C10orf67: variants seen among roughly 807,000 people sequenced by gnomAD.
C10orf67 encodes uncharacterized protein C10orf67, mitochondrial.
C10orf67 carries 60 observed loss-of-function variants against 35.6 expected under a neutral mutation model. The ratio of observed to expected loss-of-function variants is 1.68; its 90% CI spans 1.37 to 2.09. The LOEUF (loss-of-function observed/expected upper bound fraction) is 2.09. C10orf67 is among the 30% of genes most tolerant of loss of function. C10orf67 has a pLI of 0.00. For missense variants in C10orf67, 474 were observed against 330.2 expected, an observed-to-expected ratio of 1.44 and a Z score of -3.38; for synonymous variants, 167 against 115.8, an observed-to-expected ratio of 1.44 and a Z score of -2.84.
intron 10 of C10orf67, chr10:23,258,588 C>T (rs1253275618): frequency 6.2e-6 from 1 of 162,298 alleles, no homozygotes; most frequent in African/African-American, 2.4e-5. Context: ...TGGAACTGTA[C>T]CTGGCTTTAA....
At chr10:23,283,115 C>T (rs1259063892) in intron 7 of C10orf67, among the ~76,000 whole-genome samples, 4 of 152,100 alleles carry the variant, frequency 2.6e-5, no homozygotes, top group Admixed American at 6.5e-5. Context: ...ATGCATACCC[C>T]ACTTACCCTC....
At chr10:23,268,263 C>T (rs1446596904) in intron 8 of C10orf67, among the ~76,000 whole-genome samples, 1 of 152,038 alleles carries the variant, frequency 6.6e-6, no homozygotes, top group African/African-American at 2.4e-5. Context: ...CCACTGCACT[C>T]CAACCTAGGC....
At chr10:23,273,765 G>T (rs529249281) in intron 8 of C10orf67, among the ~76,000 whole-genome samples, 3 of 152,180 alleles carry the variant, frequency 2.0e-5, no homozygotes, top group African/African-American at 7.2e-5. Context: ...GGCATATATT[G>T]CCAGTTCCTT....
At chr10:23,283,053 TA>T (rs1843415093) in intron 7 of C10orf67, among the ~76,000 whole-genome samples, 1 of 152,100 alleles carries the variant, frequency 6.6e-6, no homozygotes, top group South Asian at 2.1e-4. Flanking sequence ...TAAAAATAAC[TA>T]AAAGAGTATA....
intron 15 of C10orf67, among the ~76,000 whole-genome samples, chr10:23,206,168 C>T (rs911267580): frequency 6.6e-6 from 1 of 152,150 alleles, no homozygotes; most frequent in African/African-American, 2.4e-5. Flanking sequence ...TTTACTAAAC[C>T]GTGTAACCAA....
chr10:23,328,230 T>A (rs1845273621), intron 2 of C10orf67, among the ~76,000 whole-genome samples: 2 of 152,202 alleles, frequency 1.3e-5, no homozygotes, highest in South Asian at 4.1e-4. Context: ...TCCGGCATCA[T>A]GGTTCTTCTT....
At chr10:23,265,902 T>C (rs1259842215) in intron 10 of C10orf67, among the ~76,000 whole-genome samples, 1 of 152,228 alleles carries the variant, frequency 6.6e-6, no homozygotes, top group Non-Finnish European at 1.5e-5. Context: ...ATGGACTGGC[T>C]ACCTGTGTGT....
intron 15 of C10orf67, among the ~76,000 whole-genome samples, chr10:23,222,092 T>C (rs1184803576): frequency 6.6e-6 from 1 of 152,172 alleles, no homozygotes; most frequent in Non-Finnish European, 1.5e-5. Flanking sequence ...TCAATTTTAT[T>C]AGTAAGGCAA....
chr10:23,326,170 A>G (rs1368511792), intron 2 of C10orf67, among the ~76,000 whole-genome samples: 1 of 152,180 alleles, frequency 6.6e-6, no homozygotes, highest in African/African-American at 2.4e-5. Flanking sequence ...TGAAACATGC[A>G]GATTGTAGAT....
chr10:23,310,740 C>T (rs1169810396), intron 4 of C10orf67, among the ~76,000 whole-genome samples: 1 of 152,194 alleles, frequency 6.6e-6, no homozygotes, highest in Non-Finnish European at 1.5e-5. Flanking sequence ...TCTAAAACTC[C>T]ACTCTTGCTT....
intron 12 of C10orf67, among the ~76,000 whole-genome samples, chr10:23,249,315 T>C (rs970261535): frequency 2.0e-5 from 3 of 152,102 alleles, no homozygotes; most frequent in African/African-American, 7.2e-5. Context: ...AAAACCTATT[T>C]GCAGGGAAAG....
At chr10:23,285,295 TGAAAA>T (rs1843497327) in intron 7 of C10orf67, among the ~76,000 whole-genome samples, 1 of 149,628 alleles carries the variant, frequency 6.7e-6, no homozygotes, top group Non-Finnish European at 1.5e-5. Context: ...AAAGAAAAAA[TGAAAA>T]GAAAGACAGA....
At chr10:23,334,059 T>G (rs1214298732) in intron 1 of C10orf67, among the ~76,000 whole-genome samples, 1 of 152,238 alleles carries the variant, frequency 6.6e-6, no homozygotes. Flanking sequence ...TTTAATTTTC[T>G]TCTTTTAAAT....
At chr10:23,226,212 A>G (rs1267590518) in intron 13 of C10orf67, among the ~76,000 whole-genome samples, 1 of 152,238 alleles carries the variant, frequency 6.6e-6, no homozygotes, top group Non-Finnish European at 1.5e-5. Context: ...CAGCAAATGT[A>G]AAAGAACACA....
At chr10:23,237,403 C>T (rs974583187) in intron 13 of C10orf67, among the ~76,000 whole-genome samples, 5 of 152,102 alleles carry the variant, frequency 3.3e-5, no homozygotes, top group African/African-American at 1.2e-4. Context: ...TTCCTGTGTC[C>T]TCGCCATTCC....
In C10orf67 at chr10:23,331,192, A is replaced by ACC. The variant is rs367636852; in HGVS notation, c.327+1869_327+1870insGG. Among the ~76,000 whole-genome samples the ACC allele has an allele frequency of 4.7e-3, 424 of 90,820 alleles. 1 individual carries two copies. Among genetic ancestry groups the ACC allele is most frequent in the East Asian group, 7.3e-3 (18 of 2,450 alleles). 59.6% of individuals were successfully genotyped at this position (90,820 alleles called of 152,430 possible). A position where few individuals can be genotyped will look rare whatever the true frequency, so the allele number is the denominator to read the frequency against. On this transcript the variant is annotated intron_variant, in intron 2 of 15. Transcript: ENST00000636213. ...GAACCGGGACGGGGAAGGGAAGGGA[A>ACC]GGGAAGGGAAGGGAAGAGGGAAGGG...
At chr10:23,223,574 AT>A (rs765483749) in intron 15 of C10orf67, 23 bp downstream of exon 15, 160 of 717,076 alleles carry the variant, frequency 2.2e-4, no homozygotes, top group Middle Eastern at 2.3e-4. Flanking sequence ...TGTGAACCTC[AT>A]TTCCAACAAT....
At chr10:23,253,814 C>CT (rs1842529897) in intron 10 of C10orf67, among the ~76,000 whole-genome samples, 2 of 152,012 alleles carry the variant, frequency 1.3e-5, no homozygotes, top group Non-Finnish European at 2.9e-5. Flanking sequence ...AATAATTATT[C>CT]AATCTCTTCA....
At position 23,256,414 on chromosome 10, in the gene C10orf67, A is replaced by G. The variant is rs566810841; in HGVS notation, c.1201-5723T>C. 5.9e-5 allele frequency among the ~76,000 whole-genome samples: 9 copies of G among 152,258 alleles called. No homozygotes were observed. In the East Asian group the frequency reaches 1.5e-3, roughly 26 times the overall value. ...AATCTAGATAAACTACAAAATCACA[A>G]CTTCTCTTGAACCCATTAGAGAGCT... On this transcript the variant is annotated intron_variant, in intron 10 of 15. Coordinates refer to ENST00000636213, the MANE Select transcript of C10orf67 (RefSeq NM_001371909.1).
Sources: gnomAD v4.1 joint callset for allele counts (sites outside exome capture counted in the v4.1 genomes callset) on GRCh38, gnomAD v4.1.1 for gene constraint, MANE v1.5 for transcripts, NCBI Gene and HGNC (gene_info 2026-07-23, HGNC 2026-07-21) for gene names.